Variants in MAP3K19 observed in about 807,000 individuals in gnomAD.
MAP3K19 encodes the protein mitogen-activated protein kinase kinase kinase 19.
Under a neutral mutation model 114.4 loss-of-function variants are expected in MAP3K19, and 91 were observed. The observed-to-expected ratio is 0.80, with a 90% CI of 0.67 to 0.95. The LOEUF (loss-of-function observed/expected upper bound fraction) is 0.95, where lower values mean the gene tolerates loss of function less well. Among genes scored for constraint, MAP3K19 ranks in the 40% least tolerant of loss-of-function variants. The probability of loss-of-function intolerance (pLI) is 0.00; values close to 1 mark genes in which losing one functional copy is unlikely to be tolerated. For missense variants in MAP3K19, 1,471 were observed against 1,573.2 expected (o/e 0.94, Z 1.10); for synonymous variants, 518 against 530.5 (o/e 0.98, Z 0.32).
intron 12 of MAP3K19, among the ~76,000 whole-genome samples, chr2:134,979,940 G>A (rs897263427): frequency 3.3e-5 from 5 of 152,104 alleles, no homozygotes; most frequent in Non-Finnish European, 7.4e-5. Context: ...CTGGGAGTTG[G>A]GGGTTGCCAT....
Position 134,985,860 on chromosome 2 carries a change from G to A in MAP3K19, c.3012C>T (p.Leu1004=), listed in dbSNP as rs368112893. 3.1e-6 allele frequency: 5 copies of A among 1,613,620 alleles called. No homozygotes were observed. In the African/African-American group the frequency reaches 6.7e-5, roughly 22 times the overall value. ...ETDPENLNLV[L]RWRGSTPKEM... is the part of the protein sequence containing the mutation. ...CTTTTGGGGTACTTCCTCTCCATCTGAGGACAAGATTTAGGTTTTCAGGAT... is the reference window on the plus strand; with the variant it reads ...CTTTTGGGGTACTTCCTCTCCATCTAAGGACAAGATTTAGGTTTTCAGGAT... The change falls in exon 10 of 13, where the codon CTC becomes CTT. Residue 1004 remains leucine (L), a synonymous_variant. Coordinates refer to ENST00000392915, the MANE Select transcript of MAP3K19 (RefSeq NM_025052.5).
intron 5 of MAP3K19, among the ~76,000 whole-genome samples, chr2:135,017,681 T>C (rs756686745): frequency 3.3e-5 from 5 of 152,228 alleles, no homozygotes; most frequent in African/African-American, 7.2e-5. Context: ...CTCTAATTCC[T>C]GGGCTTTTCC....
chr2:135,021,261 G>T (rs1310412799), intron 5 of MAP3K19, among the ~76,000 whole-genome samples: 1 of 152,072 alleles, frequency 6.6e-6, no homozygotes, highest in Admixed American at 6.6e-5. Context: ...CTTATAAAAG[G>T]GACCCCAGAG....
intron 3 of MAP3K19, among the ~76,000 whole-genome samples, chr2:135,027,591 T>C (rs1233908155): frequency 6.6e-6 from 1 of 152,138 alleles, no homozygotes; most frequent in Non-Finnish European, 1.5e-5. Flanking sequence ...ACTGTTAACA[T>C]GTCAAGACTC....
At position 135,021,844 on chromosome 2, in the gene MAP3K19, CAT is replaced by C. The variant is rs749297647; in HGVS notation, c.23-16_23-15del. ...CAGCATGTCTTTCTATCAAAAGAAA[CAT>C]AATAGTATGTTTTGATAAGATTCAT... On this transcript the variant is annotated splice_polypyrimidine_tract_variant and intron_variant, in intron 4 of 12. Transcript: ENST00000392915. The C allele has an allele frequency of 4.0e-6, 6 of 1,492,084 alleles. No homozygotes were observed. The South Asian group carries it at 7.1e-5, about 18-fold the overall frequency. 92.4% of individuals were successfully genotyped at this position (1,492,084 alleles called of 1,614,324 possible).
intron 9 of MAP3K19, among the ~76,000 whole-genome samples, chr2:134,988,510 C>A (rs912577270): frequency 6.6e-6 from 1 of 152,148 alleles, no homozygotes; most frequent in Non-Finnish European, 1.5e-5. Context: ...CCCACCTCAG[C>A]CTCCCAAGTA....
chr2:135,027,371 GAGAAAGAAAGAAAAA>G (rs1360661127), intron 3 of MAP3K19, among the ~76,000 whole-genome samples: 27 of 136,216 alleles, frequency 2.0e-4, no homozygotes, highest in African/African-American at 7.6e-4. Context: ...GAAAGAGAGA[GAGAAAGAAAGAAAAA>G]AGAAAGAAAG....
rs1366898998 is a variant in MAP3K19 at position 134,983,727 on chromosome 2, T to C, written c.3171A>G (p.Glu1057=). Reference sequence around the variant, plus strand: ...TCTCACCCTTGGTCCATAGGATAGGTTCTTCAGACTTTAAACTATTTTCAG... The same window carrying C: ...TCTCACCCTTGGTCCATAGGATAGGCTCTTCAGACTTTAAACTATTTTCAG... ...IFSENSLKSE[E]PILWTKGEIL... Residue 1057 remains glutamate, a synonymous_variant, in exon 11 of 13, where the codon GAA becomes GAG. Transcript: ENST00000392915. 6.2e-7 allele frequency: 1 copy of C among 1,601,614 alleles called. No individual in the cohort carries two copies. Among genetic ancestry groups the C allele is most frequent in the Non-Finnish European group, 8.5e-7 (1 of 1,176,430 alleles).
chr2:135,026,023 T>C (rs1277164638), intron 3 of MAP3K19, among the ~76,000 whole-genome samples: 1 of 152,220 alleles, frequency 6.6e-6, no homozygotes, highest in Non-Finnish European at 1.5e-5. Flanking sequence ...TGGGACAGGG[T>C]AATGTGTCAT....
In MAP3K19 at chr2:134,987,900, AAAGT is replaced by A. The variant is rs1685279767; in HGVS notation, c.968_971del (p.His323LeufsTer13). ...AAGACACCAAAGACTGCCCTTTTTCAAAGTGAGTGATTTCAATTTTGTTACATTC... is the reference window on the plus strand; with the variant it reads ...AAGACACCAAAGACTGCCCTTTTTCAGAGTGATTTCAATTTTGTTACATTC... On this transcript the variant is annotated frameshift_variant, in exon 10 of 13. Coordinates refer to ENST00000392915, the MANE Select transcript of MAP3K19 (RefSeq NM_025052.5). LOFTEE classifies it high-confidence loss of function. 6.2e-7 allele frequency: 1 copy of A among 1,613,924 alleles called. No homozygotes were observed.
In MAP3K19 at chr2:135,005,454, G is replaced by C; in HGVS notation, c.216C>G (p.Asp72Glu). ...CAGTACCTTCTGTCCTGGGTTGCCA[G>C]TCCTGTCTACCACCACTGGGATCTT... ...EEEDPSGGRQ[D>E]WQPRTEGVEI... Residue 72 changes from aspartate to glutamate, a missense_variant, in exon 6 of 13, where the codon GAC becomes GAG. Coordinates refer to ENST00000392915, the MANE Select transcript of MAP3K19 (RefSeq NM_025052.5). 3.1e-6 allele frequency: 5 copies of C among 1,613,824 alleles called. No individual in the cohort carries two copies. The highest frequency in any genetic ancestry group is 4.2e-6 in the Non-Finnish European group (5 of 1,179,742).
chr2:134,985,683 A>G (rs1573945508), intron 10 of MAP3K19, 117 bp downstream of exon 10: 1 of 955,180 alleles, frequency 1.0e-6, no homozygotes, highest in East Asian at 2.7e-5. Context: ...GAGACCTTGA[A>G]AAAACTATTT....
chr2:134,980,702 T>C, intron 12 of MAP3K19, 119 bp downstream of exon 12: 3 of 845,894 alleles, frequency 3.5e-6, no homozygotes, highest in South Asian at 1.8e-5. Flanking sequence ...ACAAAATCAC[T>C]GTCTACTTGA....
chr2:135,012,586 G>T (rs1298242130), intron 5 of MAP3K19, among the ~76,000 whole-genome samples: 1 of 151,362 alleles, frequency 6.6e-6, no homozygotes, highest in East Asian at 1.9e-4. Flanking sequence ...TCAAATAATG[G>T]TAAAAGACTT....
rs772952360 is a variant in MAP3K19 at position 135,031,712 on chromosome 2, G to A, written c.-283-1212C>T. 3.3e-5 allele frequency among the ~76,000 whole-genome samples: 5 copies of A among 152,202 alleles called. No individual in the cohort carries two copies. The South Asian group carries it at 8.3e-4, about 25-fold the overall frequency. On this transcript the variant is annotated intron_variant, in intron 2 of 12. Coordinates refer to ENST00000392915, the MANE Select transcript of MAP3K19 (RefSeq NM_025052.5). ...TACCACAGTGGCCTCATGGAGAGAC[G>A]ACAGCGACTGAACAAGAGAAATGGT...
At chr2:134,978,030 A>G (rs1270891594) in intron 12 of MAP3K19, among the ~76,000 whole-genome samples, 1 of 151,966 alleles carries the variant, frequency 6.6e-6, no homozygotes, top group Non-Finnish European at 1.5e-5. Flanking sequence ...GTTTCTTCTT[A>G]CACCTTGGGG....
intron 12 of MAP3K19, among the ~76,000 whole-genome samples, chr2:134,973,357 C>T (rs1684005887): frequency 6.6e-6 from 1 of 152,130 alleles, no homozygotes; most frequent in African/African-American, 2.4e-5. Context: ...GAATTTTTCT[C>T]TTTATCATTA....
At chr2:135,001,439 AG>A (rs1686438958) in intron 6 of MAP3K19, among the ~76,000 whole-genome samples, 1 of 152,238 alleles carries the variant, frequency 6.6e-6, no homozygotes, top group Non-Finnish European at 1.5e-5. Context: ...TTGAGCTGGA[AG>A]GAACTTAGAG....
At chr2:135,043,953 AT>A (rs903770556) in intron 1 of MAP3K19, among the ~76,000 whole-genome samples, 1 of 152,160 alleles carries the variant, frequency 6.6e-6, no homozygotes, top group African/African-American at 2.4e-5. Flanking sequence ...ACTCCTTTTG[AT>A]TTAAACTTGC....
Sources: allele counts gnomAD v4.1 joint callset (sites outside exome capture counted in the v4.1 genomes callset), GRCh38; gene constraint gnomAD v4.1.1; transcripts MANE v1.5; gene names NCBI Gene and HGNC (gene_info 2026-07-23, HGNC 2026-07-21).